The following PDE5A variants were observed in gnomAD, a reference collection of about 807,000 sequenced individuals.
PDE5A encodes the protein phosphodiesterase 5A, also known as cGMP-specific 3',5'-cyclic phosphodiesterase.
Under a neutral mutation model 110.2 loss-of-function variants are expected in PDE5A, and 67 were observed. That is an observed-to-expected ratio of 0.61 (90% CI 0.50 to 0.75). PDE5A has a LOEUF of 0.75. PDE5A is among the 30% of genes least tolerant of loss of function. The pLI, the probability that PDE5A is intolerant of heterozygous loss-of-function variation, is 0.00. For synonymous variants in PDE5A, 328 were observed against 351.2 expected (o/e 0.93, Z 0.74); for missense variants, 862 against 1,045.1 (o/e 0.82, Z 2.42).
At chr4:119,620,162 A>T (rs915942583) in intron 1 of PDE5A, among the ~76,000 whole-genome samples, 1 of 152,206 alleles carries the variant, frequency 6.6e-6, no homozygotes, top group Non-Finnish European at 1.5e-5. Context: ...GATGATTAAG[A>T]GATTAACAGA....
intron 9 of PDE5A, chr4:119,550,026 G>C (rs1429250582): frequency 2.0e-5 from 3 of 152,298 alleles, no homozygotes; most frequent in Admixed American, 6.5e-5. Context: ...TCTGGTCTAT[G>C]ACATGTAAGA....
At chr4:119,613,998 G>A (rs906724315) in intron 1 of PDE5A, among the ~76,000 whole-genome samples, 2 of 151,572 alleles carry the variant, frequency 1.3e-5, no homozygotes, top group Non-Finnish European at 2.9e-5. Flanking sequence ...GAATCTAGAA[G>A]TAAAAATCAA....
intron 2 of PDE5A, among the ~76,000 whole-genome samples, chr4:119,597,486 G>T (rs1288385232): frequency 6.6e-6 from 1 of 152,042 alleles, no homozygotes; most frequent in Non-Finnish European, 1.5e-5. Flanking sequence ...AACCAAAGTA[G>T]AGGAAATCAA....
Position 119,498,392 on chromosome 4 carries a change from T to A in PDE5A, c.*209A>T. On this transcript the variant is annotated 3_prime_UTR_variant, in exon 21 of 21. Transcript: ENST00000354960. ...CAGTGGATGTTGTTGATCCTTTCAG[T>A]TCAGTAGCATAAAACAAATATACAA... The A allele has an allele frequency of 1.9e-6, 1 of 540,272 alleles. No homozygotes were observed. The highest frequency in any genetic ancestry group is 3.3e-6 in the Non-Finnish European group (1 of 304,610). 33.5% of individuals were successfully genotyped at this position (540,272 alleles called of 1,614,324 possible). A position where few individuals can be genotyped will look rare whatever the true frequency, so the allele number is the denominator to read the frequency against.
intron 3 of PDE5A, among the ~76,000 whole-genome samples, chr4:119,584,880 G>T (rs1361844653): frequency 6.6e-6 from 1 of 152,172 alleles, no homozygotes; most frequent in Non-Finnish European, 1.5e-5. Flanking sequence ...ATATAATAGA[G>T]ACAGACCAAT....
chr4:119,618,747 T>C (rs1337955458), intron 1 of PDE5A, among the ~76,000 whole-genome samples: 1 of 152,054 alleles, frequency 6.6e-6, no homozygotes, highest in Non-Finnish European at 1.5e-5. Flanking sequence ...ACCATAGCAA[T>C]ACTTCATAAT....
At chr4:119,547,491 G>T (rs1727174788) in intron 9 of PDE5A, among the ~76,000 whole-genome samples, 1 of 151,802 alleles carries the variant, frequency 6.6e-6, no homozygotes, top group African/African-American at 2.4e-5. Flanking sequence ...GAGTGAGAAA[G>T]AGAAAGGTGC....
chr4:119,564,068 A>T (rs6534141), intron 5 of PDE5A, among the ~76,000 whole-genome samples: 44,471 of 151,854 alleles, frequency 0.29, 6,556 homozygotes, highest in East Asian at 0.38. Context: ...ACAAAAGCAA[A>T]TATAAATAAT....
chr4:119,554,383 A>T (rs547337179), intron 7 of PDE5A, among the ~76,000 whole-genome samples: 18 of 152,270 alleles, frequency 1.2e-4, no homozygotes, highest in Admixed American at 1.2e-3. Flanking sequence ...ATGAACTTAC[A>T]ATATTTTTAC....
chr4:119,580,364 C>T (rs1005052226), intron 3 of PDE5A, among the ~76,000 whole-genome samples: 7 of 152,204 alleles, frequency 4.6e-5, no homozygotes, highest in African/African-American at 1.7e-4. Flanking sequence ...AGCGCATAGC[C>T]ATTGCGAGCA....
intron 9 of PDE5A, chr4:119,550,460 T>C (rs1578766566): frequency 6.6e-6 from 1 of 152,226 alleles, no homozygotes; most frequent in African/African-American, 2.4e-5. Flanking sequence ...AATGTGCCCA[T>C]AAGTGTGGCT....
At position 119,519,079 on chromosome 4, in the gene PDE5A, C is replaced by T. The variant is rs764332919; in HGVS notation, c.1966G>A (p.Asp656Asn). 6.2e-7 allele frequency: 1 copy of T among 1,613,732 alleles called. No individual in the cohort carries two copies. ...LLIAALSHDLDHRGVNNSYIQ... is the reference protein window; with the variant it reads ...LLIAALSHDLNHRGVNNSYIQ... ...TAAGAGTTATTCACACCACGGTGATCCAAATCGTGGCTTAGTGCAGCAATC... is the reference window on the plus strand; with the variant it reads ...TAAGAGTTATTCACACCACGGTGATTCAAATCGTGGCTTAGTGCAGCAATC... The change falls in exon 14 of 21, where the codon GAT (aspartate) becomes AAT (asparagine). Residue 656 changes from aspartate (D) to asparagine (N), a missense_variant. By Grantham distance (23) the Asp-to-Asn change is conservative. Transcript: ENST00000354960.
At chr4:119,501,744 C>T (rs1029165742) in intron 19 of PDE5A, among the ~76,000 whole-genome samples, 2 of 152,142 alleles carry the variant, frequency 1.3e-5, no homozygotes, top group Admixed American at 1.3e-4. Context: ...CAGAAGTGGG[C>T]TGAGAGGAAT....
chr4:119,616,272 A>G (rs988293052), intron 1 of PDE5A, among the ~76,000 whole-genome samples: 1 of 152,154 alleles, frequency 6.6e-6, no homozygotes, highest in African/African-American at 2.4e-5. Flanking sequence ...AAGGCTCACG[A>G]AGATATCCTT....
chr4:119,581,134 T>C (rs2110521720), intron 3 of PDE5A, among the ~76,000 whole-genome samples: 1 of 152,322 alleles, frequency 6.6e-6, no homozygotes. Flanking sequence ...TAAAGCTTCC[T>C]GATAATTACA....
At position 119,542,431 on chromosome 4, in the gene PDE5A, G is replaced by A. The variant is rs770842685; in HGVS notation, c.1572+28C>T. The A allele has an allele frequency of 1.0e-5, 16 of 1,607,120 alleles. No individual in the cohort carries two copies. The South Asian group carries it at 1.4e-4, about 14-fold the overall frequency. On this transcript the variant is annotated intron_variant, in intron 10 of 20. Transcript: ENST00000354960. ...TAAAAGATGAGGGTTTGGCTGTACA[G>A]TGTGAGAGGTCCCTAAACTTCACCC...
chr4:119,621,616 A>G (rs984964029), intron 1 of PDE5A, among the ~76,000 whole-genome samples: 2 of 144,810 alleles, frequency 1.4e-5, no homozygotes, highest in African/African-American at 5.1e-5. Flanking sequence ...AGATGAAAAG[A>G]TAAATAGAGA....
intron 1 of PDE5A, among the ~76,000 whole-genome samples, chr4:119,626,951 A>T (rs1420545422): frequency 1.3e-5 from 2 of 152,188 alleles, no homozygotes; most frequent in Non-Finnish European, 2.9e-5. Flanking sequence ...AAACAAGATT[A>T]AAAAGGGCCC....
At chr4:119,567,863 T>C (rs1032169745) in intron 3 of PDE5A, among the ~76,000 whole-genome samples, 1 of 152,182 alleles carries the variant, frequency 6.6e-6, no homozygotes, top group Admixed American at 6.5e-5. Flanking sequence ...TTCAACTTAC[T>C]CTTCTCTCCT....
Sources: allele counts gnomAD v4.1 joint callset (sites outside exome capture counted in the v4.1 genomes callset), GRCh38; gene constraint gnomAD v4.1.1; transcripts MANE v1.5; gene names NCBI Gene and HGNC (gene_info 2026-07-23, HGNC 2026-07-21).